PWWP2A: variants seen among roughly 807,000 people sequenced by gnomAD.
PWWP2A encodes PWWP domain-containing protein 2A.
A neutral mutation model predicts 48.5 loss-of-function variants in PWWP2A; 18 were observed. The ratio of observed to expected loss-of-function variants is 0.37; its 90% CI spans 0.26 to 0.55. The LOEUF is 0.55. PWWP2A is among the 20% of genes least tolerant of loss of function. The pLI is 0.81. For missense variants in PWWP2A, 867 were observed against 976.4 expected (o/e 0.89, Z 1.49); for synonymous variants, 396 against 387.7 (o/e 1.02, Z -0.25).
chr5:160,105,430 C>T (rs903809621), intron 1 of PWWP2A, among the ~76,000 whole-genome samples: 22 of 151,008 alleles, frequency 1.5e-4, no homozygotes, highest in African/African-American at 5.1e-4. Context: ...CCCAGCTACT[C>T]GGGAGGCTGA....
At chr5:160,080,814 T>A in intron 2 of PWWP2A, 1 of 1,460,176 alleles carries the variant, frequency 6.8e-7, no homozygotes, top group Non-Finnish European at 9.2e-7. Flanking sequence ...AGCATTCGAG[T>A]TTTTTAATCC....
In PWWP2A at chr5:160,119,122, C is replaced by T; in HGVS notation, c.267G>A (p.Leu89=). Residue 89 remains leucine (L), a synonymous_variant, in exon 1 of 2, where the codon CTG becomes CTA. Coordinates refer to ENST00000307063, the MANE Select transcript of PWWP2A (RefSeq NM_001130864.2). ...ARSPEAVGPE[L]EAEEKLSVRV... ...GAACGGACAGTTTCTCCTCAGCCTC[C>T]AGCTCCGGCCCCACCGCCTCTGGGC... 6.3e-7 allele frequency: 1 copy of T among 1,582,516 alleles called. No individual in the cohort carries two copies. Among genetic ancestry groups the T allele is most frequent in the East Asian group, 2.4e-5 (1 of 42,168 alleles).
At chr5:160,066,366 G>C (rs1203265765) in intron 4 of PWWP2A, among the ~76,000 whole-genome samples, 1 of 141,796 alleles carries the variant, frequency 7.1e-6, no homozygotes, top group Non-Finnish European at 1.5e-5. Flanking sequence ...GCGCAATCTT[G>C]GCTCACTACA....
At chr5:160,082,150 A>G (rs924097489) in intron 2 of PWWP2A, among the ~76,000 whole-genome samples, 1 of 152,236 alleles carries the variant, frequency 6.6e-6, no homozygotes, top group African/African-American at 2.4e-5. Context: ...TGAGTGCACT[A>G]AAGAAATTAT....
At chr5:160,115,282 G>A (rs572581328) in intron 1 of PWWP2A, among the ~76,000 whole-genome samples, 8 of 151,956 alleles carry the variant, frequency 5.3e-5, no homozygotes, top group African/African-American at 1.2e-4. Flanking sequence ...CTGGCTGGCT[G>A]CAATGGCTTA....
chr5:160,107,602 T>C (rs979849065), intron 1 of PWWP2A, among the ~76,000 whole-genome samples: 3 of 152,204 alleles, frequency 2.0e-5, no homozygotes, highest in Non-Finnish European at 2.9e-5. Context: ...AACTCTTTAG[T>C]AGTCCCACAG....
chr5:160,046,423 G>A, the PWWP2A span, among the ~76,000 whole-genome samples: 3 of 151,614 alleles, frequency 2.0e-5, no homozygotes, highest in Non-Finnish European at 2.9e-5. Flanking sequence ...TCCTCTGTTA[G>A]CTTTTATGTC....
chr5:160,064,239 G>A (rs1345719137), intron 4 of PWWP2A, among the ~76,000 whole-genome samples: 1 of 152,182 alleles, frequency 6.6e-6, no homozygotes, highest in Admixed American at 6.5e-5. Flanking sequence ...AAAGTGCTGG[G>A]ATTACAGGCG....
intron 1 of PWWP2A, among the ~76,000 whole-genome samples, chr5:160,097,423 A>G (rs1321579175): frequency 6.8e-6 from 1 of 147,192 alleles, no homozygotes; most frequent in Non-Finnish European, 1.5e-5. Context: ...TGAGGTCAGG[A>G]GTTCAAGACC....
At chr5:160,095,047 CAAAAAAAA>C (rs70987998) in intron 1 of PWWP2A, among the ~76,000 whole-genome samples, 630 of 30,786 alleles carry the variant, frequency 0.02, 6 homozygotes, top group African/African-American at 0.069. Context: ...GACTCTGTCT[CAAAAAAAA>C]AAAAAAAAAA....
intron 2 of PWWP2A, among the ~76,000 whole-genome samples, chr5:160,067,412 A>G (rs964888797): frequency 3.3e-5 from 5 of 152,196 alleles, no homozygotes; most frequent in African/African-American, 1.2e-4. Context: ...CCTTGAGCTC[A>G]ATGGCTGAGA....
the PWWP2A span, among the ~76,000 whole-genome samples, chr5:160,054,069 G>T: frequency 0.041 from 6,257 of 152,062 alleles, 159 homozygotes; most frequent in East Asian, 0.12. Flanking sequence ...AGTGGGGGTT[G>T]GTTGTTTTTG....
chr5:160,097,192 C>G (rs1581214468), intron 1 of PWWP2A, among the ~76,000 whole-genome samples: 3 of 151,590 alleles, frequency 2.0e-5, no homozygotes, highest in Non-Finnish European at 2.9e-5. Flanking sequence ...GAAAAATTAG[C>G]CTGGTGTGGG....
At chr5:160,054,385 G>T in the PWWP2A span, among the ~76,000 whole-genome samples, 1 of 152,196 alleles carries the variant, frequency 6.6e-6, no homozygotes, top group Non-Finnish European at 1.5e-5. Context: ...AGGCCAAGGT[G>T]GGAGGATTGC....
chr5:160,076,814 G>A (rs778159620), exon 4 of PWWP2A: 92 of 152,042 alleles, frequency 6.1e-4, no homozygotes, highest in Non-Finnish European at 1.0e-3. Context: ...TATCTGTTAC[G>A]TTGCTTCATA....
the PWWP2A span, among the ~76,000 whole-genome samples, chr5:160,045,558 T>TCC: frequency 3.1e-5 from 2 of 63,592 alleles, no homozygotes; most frequent in African/African-American, 1.3e-4. Flanking sequence ...TCTCTCCCCC[T>TCC]CCCCTCTCTC....
At chr5:160,094,941 G>A (rs991438858) in intron 1 of PWWP2A, among the ~76,000 whole-genome samples, 3 of 150,102 alleles carry the variant, frequency 2.0e-5, no homozygotes, top group African/African-American at 2.5e-5. Context: ...CCAGCTACTC[G>A]GGAGGCTGAG....
At chr5:160,087,308 T>C (rs540317762), downstream of PWWP2A, among the ~76,000 whole-genome samples, 74 of 150,980 alleles carry the variant, frequency 4.9e-4, no homozygotes, top group Non-Finnish European at 8.8e-4. Context: ...GAGAACTGCT[T>C]GACCCCAGGA....
At chr5:160,044,894 G>T in the PWWP2A span, among the ~76,000 whole-genome samples, 21 of 152,190 alleles carry the variant, frequency 1.4e-4, no homozygotes, top group African/African-American at 4.8e-4. Context: ...AATTAATTTG[G>T]TGCCCTCTCT....
Sources: allele counts gnomAD v4.1 joint callset (sites outside exome capture counted in the v4.1 genomes callset), GRCh38; gene constraint gnomAD v4.1.1; transcripts MANE v1.5; gene names NCBI Gene and HGNC (gene_info 2026-07-23, HGNC 2026-07-21).